TMEM114: variants seen among roughly 807,000 people sequenced by gnomAD.
TMEM114 encodes claudin-26.
Under a neutral mutation model 6.2 loss-of-function variants are expected in TMEM114, and 6 were observed. That is an observed-to-expected ratio of 0.97 (90% CI 0.53 to 1.91). TMEM114 has a LOEUF of 1.91. Ranked by LOEUF, TMEM114 falls within the 40% of genes most tolerant of loss-of-function variation. The pLI is 0.01. For missense variants in TMEM114, 218 were observed against 158.3 expected (o/e 1.38, Z -2.02); for synonymous variants, 104 against 73.0 (o/e 1.42, Z -2.16).
At chr16:8,566,590 C>T (rs1901552992), downstream of TMEM114, among the ~76,000 whole-genome samples, 1 of 152,138 alleles carries the variant, frequency 6.6e-6, no homozygotes, top group African/African-American at 2.4e-5. Flanking sequence ...AGCATCCCAA[C>T]CCCACTTAAT....
At position 8,558,759 on chromosome 16, in the gene TMEM114, C is replaced by T. The variant is rs1160819909; in HGVS notation, n.213-20933G>A. Among the ~76,000 whole-genome samples, 9 of 133,832 alleles carry T rather than the reference C, an allele frequency of 6.7e-5. 1 individual carries two copies. The highest frequency in any genetic ancestry group is 2.3e-4 in the African/African-American group (8 of 35,008). 87.8% of individuals were successfully genotyped at this position (133,832 alleles called of 152,430 possible). On this transcript the variant is annotated intron_variant and non_coding_transcript_variant, in intron 2 of 2. Transcript: ENST00000623677. ...TGCACCCAGTTCTTTTTTTTTTTTT[C>T]GACATGGAGTTTACTCTGTCACCCA...
intron 2 of TMEM114, among the ~76,000 whole-genome samples, chr16:8,581,964 C>T (rs1902166618): frequency 6.6e-6 from 1 of 152,204 alleles, no homozygotes; most frequent in African/African-American, 2.4e-5. Flanking sequence ...CAGGCAGCCT[C>T]TTCAAGCATT....
chr16:8,539,311 G>T (rs1567193448), intron 2 of TMEM114, among the ~76,000 whole-genome samples: 1 of 152,164 alleles, frequency 6.6e-6, no homozygotes, highest in African/African-American at 2.4e-5. Flanking sequence ...CCTCTGAGAA[G>T]GGAATAGAGG....
intron 2 of TMEM114, among the ~76,000 whole-genome samples, chr16:8,563,677 ATGAG>A (rs1212266616): frequency 1.5e-5 from 2 of 134,878 alleles, no homozygotes; most frequent in East Asian, 2.1e-4. Flanking sequence ...AAGTAAGTGA[ATGAG>A]TAAGTGAATG....
intron 2 of TMEM114, among the ~76,000 whole-genome samples, chr16:8,583,940 G>A (rs1410672751): frequency 6.6e-6 from 1 of 152,120 alleles, no homozygotes; most frequent in Non-Finnish European, 1.5e-5. Context: ...TTACAAGTGG[G>A]CACATGACTC....
intron 2 of TMEM114, among the ~76,000 whole-genome samples, chr16:8,587,809 T>C (rs1328756146): frequency 6.6e-6 from 1 of 152,062 alleles, no homozygotes; most frequent in South Asian, 2.1e-4. Flanking sequence ...TGCCACTGCA[T>C]TCCAGCCTGG....
intron 2 of TMEM114, among the ~76,000 whole-genome samples, chr16:8,576,585 TTTC>T (rs1901936816): frequency 6.6e-6 from 1 of 152,088 alleles, no homozygotes; most frequent in Admixed American, 6.5e-5. Flanking sequence ...ACCTGGAAAA[TTTC>T]TTCTTTCTTG....
intron 2 of TMEM114, among the ~76,000 whole-genome samples, chr16:8,538,415 G>A (rs774567872): frequency 2.0e-5 from 3 of 152,092 alleles, no homozygotes; most frequent in Admixed American, 6.6e-5. Context: ...AAGTGTCATC[G>A]TGTTCCCTAT....
chr16:8,562,738 GACGGAGTA>G (rs1901303464), intron 2 of TMEM114, among the ~76,000 whole-genome samples: 1 of 151,666 alleles, frequency 6.6e-6, no homozygotes, highest in East Asian at 1.9e-4. Flanking sequence ...GGGAATGAGT[GACGGAGTA>G]AATGAGTGAG....
intron 2 of TMEM114, among the ~76,000 whole-genome samples, chr16:8,552,343 C>T (rs999646083): frequency 6.6e-6 from 1 of 151,974 alleles, no homozygotes; most frequent in African/African-American, 2.4e-5. Context: ...ATATTCACTC[C>T]ACTGCTCTCC....
intron 3 of TMEM114, among the ~76,000 whole-genome samples, chr16:8,571,191 C>T (rs944590064): frequency 6.6e-6 from 1 of 151,802 alleles, no homozygotes; most frequent in African/African-American, 2.4e-5. Context: ...AGCCACGTGC[C>T]AGGTCCCATT....
At chr16:8,535,953 C>T (rs28634894), downstream of TMEM114, among the ~76,000 whole-genome samples, 17,008 of 152,116 alleles carry the variant, frequency 0.11, 1,099 homozygotes, top group East Asian at 0.2. Context: ...GGGGAGGGCG[C>T]GGTGGCTTAT....
At chr16:8,572,588 A>G (rs991974709) in intron 2 of TMEM114, among the ~76,000 whole-genome samples, 5 of 152,100 alleles carry the variant, frequency 3.3e-5, no homozygotes, top group Non-Finnish European at 5.9e-5. Context: ...AGTGTGCACA[A>G]CCACACCCAG....
the TMEM114 span, among the ~76,000 whole-genome samples, chr16:8,529,308 G>C: frequency 0.59 from 90,296 of 152,088 alleles, 26,866 homozygotes; most frequent in South Asian, 0.63. Context: ...GTTCTGACCA[G>C]GACTCCCCAA....
Position 8,564,094 on chromosome 16 carries a change from T to G in TMEM114, n.212+25119A>C, listed in dbSNP as rs569770030. 4.0e-5 allele frequency among the ~76,000 whole-genome samples: 6 copies of G among 150,890 alleles called. 1 individual carries two copies. The highest frequency in any genetic ancestry group is 2.1e-4 in the South Asian group (1 of 4,812). ...GTGAGTGCATGAATGAGTGAGTGAG[T>G]GAATGAGTGAGGAAATAAGTAAGTG... On this transcript the variant is annotated intron_variant and non_coding_transcript_variant, in intron 2 of 2. Coordinates refer to the TMEM114 transcript ENST00000623677.
At chr16:8,557,541 A>G (rs1384882252) in intron 2 of TMEM114, among the ~76,000 whole-genome samples, 2 of 152,188 alleles carry the variant, frequency 1.3e-5, no homozygotes, top group East Asian at 3.9e-4. Flanking sequence ...ACCACAAGCA[A>G]TATACAAGGG....
chr16:8,551,993 A>G lies in TMEM114; in HGVS notation n.213-14167T>C, dbSNP rs181945628. ...AAAAGCCAGTCTCCAAAGATTCTAT[A>G]TTGTATGGTTCCATTTATATAACAT... On this transcript the variant is annotated intron_variant and non_coding_transcript_variant, in intron 2 of 2. Coordinates refer to the TMEM114 transcript ENST00000623677. Among the ~76,000 whole-genome samples, 12 of 152,310 alleles carry G rather than the reference A, an allele frequency of 7.9e-5. No homozygotes were observed. The East Asian group carries it at 1.7e-3, about 22-fold the overall frequency.
At chr16:8,579,553 G>A (rs1484101852) in intron 2 of TMEM114, among the ~76,000 whole-genome samples, 3 of 152,054 alleles carry the variant, frequency 2.0e-5, no homozygotes, top group Non-Finnish European at 4.4e-5. Context: ...GAAAGAGCAG[G>A]AGTCTCCGAG....
intron 2 of TMEM114, among the ~76,000 whole-genome samples, chr16:8,580,611 C>A (rs1338052579): frequency 6.6e-6 from 1 of 152,056 alleles, no homozygotes; most frequent in Admixed American, 6.6e-5. Flanking sequence ...TGCATCTTCC[C>A]AGTTTTTGTC....
Sources: gnomAD v4.1 joint callset for allele counts (sites outside exome capture counted in the v4.1 genomes callset) on GRCh38, gnomAD v4.1.1 for gene constraint, MANE v1.5 for transcripts, NCBI Gene and HGNC (gene_info 2026-07-23, HGNC 2026-07-21) for gene names.